The following CAST variants were observed in gnomAD, a reference collection of about 807,000 sequenced individuals.
CAST encodes calpastatin.
In CAST, 76 loss-of-function variants were observed where a neutral mutation model predicts 119.6. That is an observed-to-expected ratio of 0.64 (90% CI 0.53 to 0.77). The LOEUF (loss-of-function observed/expected upper bound fraction) is 0.77, where lower values mean the gene tolerates loss of function less well. Among genes scored for constraint, CAST ranks in the 30% least tolerant of loss-of-function variants. The pLI, the probability that CAST is intolerant of heterozygous loss-of-function variation, is 0.00. For synonymous variants in CAST, 319 were observed against 331.6 expected, an observed-to-expected ratio of 0.96 and a Z score of 0.41; for missense variants, 953 against 946.5, an observed-to-expected ratio of 1.01 and a Z score of -0.09.
chr5:96,462,646 T>C, the CAST span, among the ~76,000 whole-genome samples: 1 of 152,150 alleles, frequency 6.6e-6, no homozygotes, highest in East Asian at 1.9e-4. Flanking sequence ...CTCCCTAACA[T>C]GCCTTTCTGC....
chr5:96,461,298 A>G, the CAST span, among the ~76,000 whole-genome samples: 3 of 152,220 alleles, frequency 2.0e-5, no homozygotes, highest in African/African-American at 7.2e-5. Flanking sequence ...CTTTTTGTCT[A>G]TTACAAATAA....
chr5:96,713,441 A>AT (rs905909609), intron 3 of CAST, among the ~76,000 whole-genome samples: 3 of 151,962 alleles, frequency 2.0e-5, no homozygotes, highest in Non-Finnish European at 4.4e-5. Flanking sequence ...AGAATTTCTC[A>AT]TTCTTATACC....
chr5:96,161,794 A>ACTTATTT, the CAST span, among the ~76,000 whole-genome samples: 55 of 152,272 alleles, frequency 3.6e-4, no homozygotes, highest in Non-Finnish European at 1.8e-4. Context: ...TTCTTTCAAC[A>ACTTATTT]ATGCATTGTA....
At chr5:96,408,240 A>C in the CAST span, 1 of 1,613,828 alleles carries the variant, frequency 6.2e-7, no homozygotes, top group Non-Finnish European at 8.5e-7. Context: ...CCAGGGCCAG[A>C]GCGAAGATGC....
intron 1 of CAST, among the ~76,000 whole-genome samples, chr5:96,576,462 A>G (rs1421391990): frequency 2.0e-5 from 3 of 151,922 alleles, no homozygotes; most frequent in Non-Finnish European, 4.4e-5. Flanking sequence ...CTCGTGCCTC[A>G]GCCTCCGGAG....
the CAST span, among the ~76,000 whole-genome samples, chr5:96,460,795 A>T: frequency 6.6e-6 from 1 of 152,150 alleles, no homozygotes; most frequent in Non-Finnish European, 1.5e-5. Flanking sequence ...ATATGTGAAC[A>T]TATTAAACAT....
Position 96,752,998 on chromosome 5 carries a change from A to ATT in CAST, c.1525-1050_1525-1049dup, listed in dbSNP as rs549504641. On this transcript the variant is annotated intron_variant, in intron 20 of 31. Transcript: ENST00000675179. ...CACACACACACACACACACTCTTAC[A>ATT]TTTTTTTTTTTTTGAGGCAGAGTCT... Among the ~76,000 whole-genome samples the ATT allele has an allele frequency of 3.6e-5, 5 of 140,108 alleles. 1 individual carries two copies. The highest frequency in any genetic ancestry group is 1.3e-4 in the African/African-American group (5 of 38,174). 91.9% of individuals were successfully genotyped at this position (140,108 alleles called of 152,430 possible). A position where few individuals can be genotyped will look rare whatever the true frequency, so the allele number is the denominator to read the frequency against.
chr5:96,766,176 T>A (rs1339538525), intron 27 of CAST, 31 bp downstream of exon 27: 1 of 1,210,122 alleles, frequency 8.3e-7, no homozygotes, highest in Middle Eastern at 1.9e-4. Context: ...AGATCGGATT[T>A]ATGCTACCAA....
the CAST span, among the ~76,000 whole-genome samples, chr5:96,466,227 T>C: frequency 6.6e-6 from 1 of 152,136 alleles, no homozygotes; most frequent in Non-Finnish European, 1.5e-5. Context: ...CTTAGCTTTG[T>C]CCTTCTCTCC....
At chr5:96,253,154 A>G in the CAST span, among the ~76,000 whole-genome samples, 1 of 152,112 alleles carries the variant, frequency 6.6e-6, no homozygotes, top group Non-Finnish European at 1.5e-5. Flanking sequence ...TTTCATCACA[A>G]AGTAGATTTT....
At chr5:96,670,146 T>G (rs775842016) in intron 1 of CAST, among the ~76,000 whole-genome samples, 19 of 152,034 alleles carry the variant, frequency 1.2e-4, no homozygotes, top group Non-Finnish European at 1.9e-4. Flanking sequence ...CTTTTATTGC[T>G]CCATGATTTT....
the CAST span, among the ~76,000 whole-genome samples, chr5:96,115,672 T>C: frequency 3.3e-5 from 5 of 152,210 alleles, no homozygotes; most frequent in African/African-American, 1.2e-4. Flanking sequence ...GATGTGGTCT[T>C]CCTGCTTTAA....
chr5:96,568,896 G>A (rs998504219), intron 1 of CAST, among the ~76,000 whole-genome samples: 1 of 152,104 alleles, frequency 6.6e-6, no homozygotes, highest in Non-Finnish European at 1.5e-5. Context: ...AAAGACAATA[G>A]CATGGATGAG....
chr5:96,672,293 C>A (rs183250019), intron 1 of CAST, among the ~76,000 whole-genome samples: 28 of 152,032 alleles, frequency 1.8e-4, no homozygotes, highest in Admixed American at 8.5e-4. Context: ...GCAAATAGGG[C>A]AAAATATGGC....
chr5:95,965,560 G>A, the CAST span, among the ~76,000 whole-genome samples: 1 of 152,170 alleles, frequency 6.6e-6, no homozygotes, highest in East Asian at 1.9e-4. Context: ...TAGAGTTATA[G>A]CACAGAAGCT....
At chr5:96,032,199 C>A in the CAST span, among the ~76,000 whole-genome samples, 3 of 152,046 alleles carry the variant, frequency 2.0e-5, 1 homozygote, top group African/African-American at 7.2e-5. Flanking sequence ...TCACTGAGAG[C>A]CAGCCTGGAG....
the CAST span, among the ~76,000 whole-genome samples, chr5:96,041,693 T>C: frequency 6.6e-6 from 1 of 152,104 alleles, no homozygotes; most frequent in South Asian, 2.1e-4. Flanking sequence ...CTAATTTTTT[T>C]CTAAAACTAT....
the CAST span, among the ~76,000 whole-genome samples, chr5:96,173,834 G>C: frequency 1.3e-5 from 2 of 151,502 alleles, no homozygotes; most frequent in Non-Finnish European, 2.9e-5. Context: ...TCCGCCTCAC[G>C]GGTTCACACC....
chr5:96,645,698 A>G (rs1190673760), intron 1 of CAST, among the ~76,000 whole-genome samples: 1 of 151,952 alleles, frequency 6.6e-6, no homozygotes, highest in African/African-American at 2.4e-5. Flanking sequence ...TAAAATATTA[A>G]TTAGTGGGAA....
Sources: allele counts gnomAD v4.1 joint callset (sites outside exome capture counted in the v4.1 genomes callset), GRCh38; gene constraint gnomAD v4.1.1; transcripts MANE v1.5; gene names NCBI Gene and HGNC (gene_info 2026-07-23, HGNC 2026-07-21).